NARS2: variants seen among roughly 807,000 people sequenced by gnomAD.
NARS2 encodes asparaginyl-tRNA synthetase.
NARS2 carries 60 observed loss-of-function variants against 62.9 expected under a neutral mutation model. That is an observed-to-expected ratio of 0.95 (90% confidence interval 0.77 to 1.18). NARS2 has a LOEUF of 1.18. Among genes scored for constraint, NARS2 ranks in the 50% most tolerant of loss-of-function variants. The pLI, the probability that NARS2 is intolerant of heterozygous loss-of-function variation, is 0.00. For synonymous variants in NARS2, 196 were observed against 200.0 expected, an observed-to-expected ratio of 0.98 and a Z score of 0.17; for missense variants, 619 against 576.4, an observed-to-expected ratio of 1.07 and a Z score of -0.76.
At chr11:78,444,662 C>A (rs537289474) in intron 11 of NARS2, among the ~76,000 whole-genome samples, 1 of 145,228 alleles carries the variant, frequency 6.9e-6, no homozygotes, top group East Asian at 2.1e-4. Context: ...GAGGTCACAG[C>A]GAGCCAAGAT....
At chr11:78,521,991 T>C (rs1861145630) in intron 6 of NARS2, among the ~76,000 whole-genome samples, 1 of 152,118 alleles carries the variant, frequency 6.6e-6, no homozygotes, top group Non-Finnish European at 1.5e-5. Flanking sequence ...CCCCTTTTTG[T>C]TGCCCATGCT....
chr11:78,513,153 G>A (rs1478746468), intron 6 of NARS2, among the ~76,000 whole-genome samples: 1 of 152,124 alleles, frequency 6.6e-6, no homozygotes, highest in Non-Finnish European at 1.5e-5. Flanking sequence ...GGGAGTCTAA[G>A]GCAGGAGAAT....
chr11:78,477,333 T>G (rs1859143649), intron 9 of NARS2, among the ~76,000 whole-genome samples: 1 of 152,158 alleles, frequency 6.6e-6, no homozygotes, highest in Admixed American at 6.5e-5. Flanking sequence ...TTAACATGTC[T>G]GTGTTCCCGA....
At chr11:78,499,078 G>A (rs1019215473) in intron 6 of NARS2, among the ~76,000 whole-genome samples, 5 of 151,532 alleles carry the variant, frequency 3.3e-5, no homozygotes, top group African/African-American at 7.3e-5. Context: ...CACCACGCCC[G>A]GCTAATTTTT....
intron 5 of NARS2, among the ~76,000 whole-genome samples, chr11:78,544,096 T>G (rs1422000430): frequency 2.0e-5 from 3 of 150,872 alleles, no homozygotes; most frequent in East Asian, 2.0e-4. Context: ...TTTCAACTCC[T>G]GTGTAAATCA....
At chr11:78,518,931 T>C (rs1590806448) in intron 6 of NARS2, among the ~76,000 whole-genome samples, 1 of 152,188 alleles carries the variant, frequency 6.6e-6, no homozygotes, top group Non-Finnish European at 1.5e-5. Context: ...GTTATTTCAG[T>C]TGAGCCTTTA....
intron 5 of NARS2, among the ~76,000 whole-genome samples, chr11:78,535,597 C>A (rs1279406922): frequency 1.3e-5 from 2 of 151,268 alleles, no homozygotes; most frequent in Non-Finnish European, 2.9e-5. Context: ...TTTTAAGATA[C>A]AGCAGAAATA....
chr11:78,436,989 T>C (rs577167314), intron 13 of NARS2, among the ~76,000 whole-genome samples, 175 bp from the exon 14 acceptor site: 1 of 152,348 alleles, frequency 6.6e-6, no homozygotes, highest in South Asian at 2.1e-4. Context: ...CTGAATAATC[T>C]ATCCAAGGTT....
chr11:78,470,395 A>G (rs1858818516), intron 9 of NARS2, among the ~76,000 whole-genome samples: 1 of 152,168 alleles, frequency 6.6e-6, no homozygotes, highest in Admixed American at 6.5e-5. Context: ...CCTTTCACAC[A>G]ATCACTGTTA....
chr11:78,538,259 A>G lies in NARS2; in HGVS notation c.595-9323T>C, dbSNP rs146656857. 2.6e-5 allele frequency among the ~76,000 whole-genome samples: 4 copies of G among 152,286 alleles called. No individual in the cohort carries two copies. In the East Asian group the frequency reaches 7.7e-4, roughly 29 times the overall value. ...TTATCCATGAGGCCTTCTTACTGCT[A>G]ATAGCCCCCAACTCCATGCCTAGAC... On this transcript the variant is annotated intron_variant, in intron 5 of 13. Coordinates refer to ENST00000281038, the MANE Select transcript of NARS2 (RefSeq NM_024678.6).
intron 5 of NARS2, among the ~76,000 whole-genome samples, chr11:78,543,629 A>G (rs1855720100): frequency 6.6e-6 from 1 of 152,226 alleles, no homozygotes; most frequent in Non-Finnish European, 1.5e-5. Context: ...GAGGTGAACT[A>G]TTCAACATAA....
At chr11:78,531,434 G>A (rs1002158215) in intron 5 of NARS2, among the ~76,000 whole-genome samples, 14 of 150,716 alleles carry the variant, frequency 9.3e-5, no homozygotes, top group South Asian at 2.1e-4. Flanking sequence ...GCGGTTACTA[G>A]GGAAAAAAGT....
At chr11:78,504,630 T>C (rs190732059) in intron 6 of NARS2, among the ~76,000 whole-genome samples, 75 of 152,298 alleles carry the variant, frequency 4.9e-4, no homozygotes, top group African/African-American at 1.8e-3. Context: ...GGAGCAAAGA[T>C]AAAATTTCCT....
Position 78,469,124 on chromosome 11 carries a change from G to A in NARS2, c.1026+123C>T, listed in dbSNP as rs1396965561. Reference sequence around the variant, plus strand: ...AAATCTTAAGTCTGTGTACAAATGAGCAAATGCCATATTTTGCTAATAAGA... The same window carrying A: ...AAATCTTAAGTCTGTGTACAAATGAACAAATGCCATATTTTGCTAATAAGA... On this transcript the variant is annotated intron_variant, in intron 10 of 13. Transcript: ENST00000281038. 7.6e-6 allele frequency: 5 copies of A among 657,500 alleles called. No homozygotes were observed. The African/African-American group carries it at 9.1e-5, about 12-fold the overall frequency. The allele number at this position is 657,500 out of a possible 1,614,324, so 40.7% of individuals were successfully genotyped here.
chr11:78,490,030 C>CT (rs1859749225), intron 7 of NARS2, among the ~76,000 whole-genome samples: 1 of 152,084 alleles, frequency 6.6e-6, no homozygotes, highest in African/African-American at 2.4e-5. Flanking sequence ...CAGAGTGAGA[C>CT]CCTGCCTCAA....
chr11:78,448,704 A>G (rs1857850777), intron 11 of NARS2, among the ~76,000 whole-genome samples: 1 of 152,208 alleles, frequency 6.6e-6, no homozygotes, highest in Non-Finnish European at 1.5e-5. Context: ...ATCAGAGACT[A>G]TGGAATAACC....
At chr11:78,545,085 T>A (rs368927284) in intron 5 of NARS2, among the ~76,000 whole-genome samples, 14 of 152,218 alleles carry the variant, frequency 9.2e-5, no homozygotes, top group African/African-American at 2.9e-4. Context: ...TACATTCTTC[T>A]AGACCACAGT....
chr11:78,550,086 A>T (rs1202795789), intron 5 of NARS2, among the ~76,000 whole-genome samples: 1 of 152,232 alleles, frequency 6.6e-6, no homozygotes, highest in African/African-American at 2.4e-5. Context: ...GGCATAGTGC[A>T]GTAATGGAGT....
chr11:78,550,915 G>A (rs184094805), intron 5 of NARS2, among the ~76,000 whole-genome samples: 5 of 152,222 alleles, frequency 3.3e-5, no homozygotes, highest in African/African-American at 1.2e-4. Context: ...GATATAAAAA[G>A]GAATGAAGTA....
Sources: gnomAD v4.1 joint callset for allele counts (sites outside exome capture counted in the v4.1 genomes callset) on GRCh38, gnomAD v4.1.1 for gene constraint, MANE v1.5 for transcripts, NCBI Gene and HGNC (gene_info 2026-07-23, HGNC 2026-07-21) for gene names.